Variants in NCKAP5 observed in about 807,000 individuals in gnomAD.
NCKAP5 encodes NCK associated protein 5, also known as nck-associated protein 5.
Under a neutral mutation model 167.0 loss-of-function variants are expected in NCKAP5, and 92 were observed. The ratio of observed to expected loss-of-function variants is 0.55; its 90% CI spans 0.47 to 0.66. The LOEUF is 0.66. Among genes scored for constraint, NCKAP5 ranks in the 30% least tolerant of loss-of-function variants. The pLI is 0.00. For missense variants in NCKAP5, 2,378 were observed against 2,315.0 expected (o/e 1.03, Z -0.56); for synonymous variants, 891 against 877.4 (o/e 1.02, Z -0.27).
chr2:133,159,655 A>C lies in NCKAP5; in HGVS notation c.208-29544T>G, dbSNP rs2083708390. Among the ~76,000 whole-genome samples, 4 of 152,344 alleles carry C rather than the reference A, an allele frequency of 2.6e-5. No homozygotes were observed. In the South Asian group the frequency reaches 8.3e-4, roughly 32 times the overall value. On this transcript the variant is annotated intron_variant, in intron 5 of 19. Coordinates refer to ENST00000409261, the MANE Select transcript of NCKAP5 (RefSeq NM_207363.3). ...TGTAAGTTTTGAAAGGATTCAGAGG[A>C]GAGAAAAGTCAATGAGGCTCATGGT...
chr2:133,634,161 C>A, the NCKAP5 span, among the ~76,000 whole-genome samples: 1 of 152,162 alleles, frequency 6.6e-6, no homozygotes, highest in African/African-American at 2.4e-5. Flanking sequence ...TGTGTACTAT[C>A]CTTTTGGTTT....
rs539513614 is a variant in NCKAP5, at chr2:133,344,591, T to G, written c.70-41481A>C. On this transcript the variant is annotated intron_variant, in intron 3 of 19. Coordinates refer to ENST00000409261, the MANE Select transcript of NCKAP5 (RefSeq NM_207363.3). The stretch of plus-strand genomic sequence containing the variant: ...GGTTTGTATTCATCTAGGCAAGAAG[T>G]GCAAATCGCTGGACGCAGAGTGGTA... 1.6e-3 allele frequency among the ~76,000 whole-genome samples: 244 copies of G among 152,026 alleles called. 4 individuals carry two copies. Among genetic ancestry groups the G allele is most frequent in the Non-Finnish European group, 2.6e-3 (175 of 67,990 alleles).
intron 5 of NCKAP5, among the ~76,000 whole-genome samples, chr2:133,147,559 G>A (rs764028610): frequency 5.3e-5 from 8 of 152,110 alleles, no homozygotes; most frequent in Admixed American, 1.3e-4. Context: ...TAGAGGTTAT[G>A]TGGACCCCAC....
chr2:133,193,988 T>G (rs1056946884), intron 5 of NCKAP5, among the ~76,000 whole-genome samples: 10 of 152,262 alleles, frequency 6.6e-5, no homozygotes, highest in Non-Finnish European at 7.4e-5. Flanking sequence ...GACAGTGACT[T>G]TACTGCTTTT....
chr2:133,531,681 A>G (rs1685374842), intron 2 of NCKAP5, among the ~76,000 whole-genome samples: 2 of 152,196 alleles, frequency 1.3e-5, no homozygotes, highest in Non-Finnish European at 2.9e-5. Context: ...GTTTTTATCC[A>G]TAAGAATGGG....
At chr2:133,633,146 G>A in the NCKAP5 span, among the ~76,000 whole-genome samples, 1 of 152,134 alleles carries the variant, frequency 6.6e-6, no homozygotes, top group South Asian at 2.1e-4. Context: ...AAGAAGAGGG[G>A]GGATGTGTTC....
rs1339440741 is a variant in NCKAP5 at position 133,470,275 on chromosome 2, A to G, written c.69+47183T>C. On this transcript the variant is annotated intron_variant, in intron 3 of 19. Transcript: ENST00000409261. The stretch of plus-strand genomic sequence containing the variant: ...GTCTGTTGGAATACCCTGCCGTGTG[A>G]GGTGTCAGTGTGCCCCTGCTGGGGG... Among the ~76,000 whole-genome samples the G allele has an allele frequency of 2.6e-5, 4 of 151,694 alleles. No individual in the cohort carries two copies. In the East Asian group the frequency reaches 7.8e-4, roughly 30 times the overall value.
Position 133,505,440 on chromosome 2 carries a change from C to T in NCKAP5, c.69+12018G>A, listed in dbSNP as rs561143256. ...CTGAATGCTTCCTTCCATGTACAGA[C>T]AAAGAAAGCTGCCATCTGGAACGGC... On this transcript the variant is annotated intron_variant, in intron 3 of 19. Coordinates refer to ENST00000409261, the MANE Select transcript of NCKAP5 (RefSeq NM_207363.3). Among the ~76,000 whole-genome samples the T allele has an allele frequency of 2.8e-4, 43 of 152,226 alleles. 1 individual carries two copies. The highest frequency in any genetic ancestry group is 9.9e-4 in the African/African-American group (41 of 41,554).
At chr2:133,614,295 C>T in the NCKAP5 span, among the ~76,000 whole-genome samples, 25 of 149,022 alleles carry the variant, frequency 1.7e-4, 1 homozygote, top group Non-Finnish European at 2.2e-4. Context: ...ACTAGCTGGA[C>T]GGAGAATGAC....
chr2:133,078,520 G>A (rs2080690269), intron 6 of NCKAP5, among the ~76,000 whole-genome samples: 2 of 152,102 alleles, frequency 1.3e-5, no homozygotes, highest in Admixed American at 1.3e-4. Context: ...ATGGTGAGTT[G>A]GGGAGGAAGG....
chr2:132,876,460 A>G (rs935444940), intron 9 of NCKAP5, among the ~76,000 whole-genome samples: 6 of 152,206 alleles, frequency 3.9e-5, no homozygotes, highest in African/African-American at 9.6e-5. Context: ...ACTAGCAAGG[A>G]AAAAACTTAC....
chr2:133,535,498 C>T (rs965824574), intron 2 of NCKAP5, among the ~76,000 whole-genome samples: 2 of 151,890 alleles, frequency 1.3e-5, no homozygotes, highest in African/African-American at 4.8e-5. Context: ...CATAGTATTC[C>T]ATGGTGTTGT....
intron 3 of NCKAP5, among the ~76,000 whole-genome samples, chr2:133,423,335 C>A (rs1450705203): frequency 1.3e-5 from 2 of 152,174 alleles, no homozygotes; most frequent in African/African-American, 2.4e-5. Flanking sequence ...CCAGACCTCT[C>A]CTTCACATCC....
At chr2:133,410,086 G>A (rs1397274914) in intron 3 of NCKAP5, among the ~76,000 whole-genome samples, 1 of 152,162 alleles carries the variant, frequency 6.6e-6, no homozygotes, top group East Asian at 1.9e-4. Flanking sequence ...ATGCCCACAG[G>A]GTAATAGTAG....
At chr2:132,958,544 T>C (rs796896338) in intron 8 of NCKAP5, among the ~76,000 whole-genome samples, 25 of 152,358 alleles carry the variant, frequency 1.6e-4, no homozygotes, top group African/African-American at 5.8e-4. Context: ...AGAGTCTTTA[T>C]TGTGACCATG....
At chr2:133,205,778 T>C (rs953874907) in intron 5 of NCKAP5, among the ~76,000 whole-genome samples, 3 of 152,238 alleles carry the variant, frequency 2.0e-5, no homozygotes, top group South Asian at 4.2e-4. Context: ...TCTCTTTTTA[T>C]ATCCATTAAT....
rs1034522375 is a variant in NCKAP5 at position 132,730,178 on chromosome 2, C to T, written c.5444-1226G>A. On this transcript the variant is annotated intron_variant, in intron 17 of 19. Coordinates refer to ENST00000409261, the MANE Select transcript of NCKAP5 (RefSeq NM_207363.3). Reference sequence around the variant, plus strand: ...TCTACCATATACTACCTTTTTACAACTCTTCACTGTAATTTAATTAAGATA... The same window carrying T: ...TCTACCATATACTACCTTTTTACAATTCTTCACTGTAATTTAATTAAGATA... Among the ~76,000 whole-genome samples the T allele has an allele frequency of 3.3e-5, 5 of 152,144 alleles. No individual in the cohort carries two copies. The East Asian group carries it at 9.6e-4, about 29-fold the overall frequency.
At position 133,519,119 on chromosome 2, in the gene NCKAP5, A is replaced by C. The variant is rs1307611358; in HGVS notation, c.-61-1532T>G. Among the ~76,000 whole-genome samples, 48 of 152,132 alleles carry C rather than the reference A, an allele frequency of 3.2e-4. 1 individual carries two copies. The highest frequency in any genetic ancestry group is 3.1e-3 in the Admixed American group (48 of 15,272). ...GCTGTCTCTCTTGGTTTTCCTCATC[A>C]AGAGGGTTGAGACAGTGGTGCCTGA... On this transcript the variant is annotated intron_variant, in intron 2 of 19. Transcript: ENST00000409261.
intron 4 of NCKAP5, among the ~76,000 whole-genome samples, chr2:133,260,884 C>T (rs2088872871): frequency 6.6e-6 from 1 of 152,058 alleles, no homozygotes; most frequent in Non-Finnish European, 1.5e-5. Flanking sequence ...ACTTACAATG[C>T]CATGCTTAAC....
Sources: gnomAD v4.1 joint callset for allele counts (sites outside exome capture counted in the v4.1 genomes callset) on GRCh38, gnomAD v4.1.1 for gene constraint, MANE v1.5 for transcripts, NCBI Gene and HGNC (gene_info 2026-07-23, HGNC 2026-07-21) for gene names.